The following EPB41 variants were observed in gnomAD, a reference collection of about 807,000 sequenced individuals.
The protein encoded by EPB41 is erythrocyte membrane protein band 4.1.
Under a neutral mutation model 108.0 loss-of-function variants are expected in EPB41, and 65 were observed. The ratio of observed to expected loss-of-function variants is 0.60; its 90% CI spans 0.49 to 0.74. The LOEUF (loss-of-function observed/expected upper bound fraction) is 0.74. Among genes scored for constraint, EPB41 ranks in the 30% least tolerant of loss-of-function variants. The pLI, the probability that EPB41 is intolerant of heterozygous loss-of-function variation, is 0.00. For synonymous variants in EPB41, 336 were observed against 358.9 expected (o/e 0.94, Z 0.72); for missense variants, 875 against 1,037.0 (o/e 0.84, Z 2.15).
intron 1 of EPB41, among the ~76,000 whole-genome samples, chr1:28,921,277 ATCT>A (rs2093049145): frequency 2.0e-5 from 3 of 152,306 alleles, no homozygotes; most frequent in African/African-American, 7.2e-5. Context: ...CTTTAAACCT[ATCT>A]TATAAAGAAA....
intron 12 of EPB41, among the ~76,000 whole-genome samples, chr1:29,055,356 C>T (rs144150014): frequency 1.3e-5 from 2 of 152,300 alleles, no homozygotes; most frequent in Admixed American, 1.3e-4. Flanking sequence ...TAAGATTCCT[C>T]TGGCTTTCTG....
rs1342144991 is a variant in EPB41 at position 28,887,844 on chromosome 1, T to G, written c.-8+634T>G. Among the ~76,000 whole-genome samples the G allele has an allele frequency of 6.6e-6, 1 of 152,214 alleles. No individual in the cohort carries two copies. The highest frequency in any genetic ancestry group is 2.4e-5 in the African/African-American group (1 of 41,464). ...TCTAGGGGACTTCCCTCTGTCTGGG[T>G]CTCCCGGGTCTCTCTGTCCGGTTCA... On this transcript the variant is annotated intron_variant, in intron 1 of 16. Coordinates refer to the EPB41 transcript ENST00000347529. The surrounding 1 kb of genome is among the most constrained non-coding windows in gnomAD (Gnocchi z 4.9).
At chr1:29,005,179 A>G (rs1254901290) in intron 4 of EPB41, among the ~76,000 whole-genome samples, 2 of 152,196 alleles carry the variant, frequency 1.3e-5, no homozygotes. Flanking sequence ...CAGGAAACTT[A>G]GAATCATGGC....
chr1:28,888,526 G>A (rs940438784), intron 1 of EPB41, among the ~76,000 whole-genome samples: 1 of 152,230 alleles, frequency 6.6e-6, no homozygotes, highest in Admixed American at 6.5e-5. Flanking sequence ...GCACCTACTG[G>A]GAACACTCCC....
chr1:28,913,889 T>C (rs1011254087), upstream of EPB41, among the ~76,000 whole-genome samples: 28 of 152,172 alleles, frequency 1.8e-4, no homozygotes, highest in African/African-American at 6.3e-4. Flanking sequence ...GCTAGGTCTT[T>C]ATAATGTTGA....
chr1:28,934,353 T>A (rs2148619098), intron 1 of EPB41, among the ~76,000 whole-genome samples: 1 of 152,308 alleles, frequency 6.6e-6, no homozygotes, highest in East Asian at 1.9e-4. Context: ...GCTGTAAAGA[T>A]ACTTTCCCCC....
At chr1:29,057,348 T>C (rs1400999056) in intron 12 of EPB41, among the ~76,000 whole-genome samples, 1 of 114,134 alleles carries the variant, frequency 8.8e-6, no homozygotes. Flanking sequence ...CACTCCAGCC[T>C]GGGCGACAGA....
At chr1:29,097,487 C>G in intron 16 of EPB41, 1 of 380,610 alleles carries the variant, frequency 2.6e-6, no homozygotes, top group South Asian at 2.4e-5. Context: ...TGCTATTTGG[C>G]AAATCGTTTT....
chr1:29,070,721 A>G (rs1267581107), intron 16 of EPB41: 28 of 1,219,804 alleles, frequency 2.3e-5, no homozygotes, highest in Non-Finnish European at 2.9e-5. Context: ...ATAGTTCACT[A>G]TCCTAGGGGA....
intron 12 of EPB41, among the ~76,000 whole-genome samples, chr1:29,057,020 CTGAGGGG>C (rs1002750232): frequency 6.6e-6 from 1 of 152,046 alleles, no homozygotes; most frequent in African/African-American, 2.4e-5. Flanking sequence ...AGTTTAAGCT[CTGAGGGG>C]TAAAAAAAAC....
At position 28,969,728 on chromosome 1, in the gene EPB41, T is replaced by C. The variant is rs371212725; in HGVS notation, c.-7-17703T>C. 4.3e-3 allele frequency among the ~76,000 whole-genome samples: 660 copies of C among 151,980 alleles called. 4 individuals carry two copies. The highest frequency in any genetic ancestry group is 0.015 in the African/African-American group (627 of 41,448). On this transcript the variant is annotated intron_variant, in intron 1 of 20. Transcript: ENST00000343067. Reference sequence around the variant, plus strand: ...TCCTGGCTAACACGGTGAAACTCCGTCTCTACTAAAAAAATACAAAAAATT... The same window carrying C: ...TCCTGGCTAACACGGTGAAACTCCGCCTCTACTAAAAAAATACAAAAAATT...
intron 16 of EPB41, among the ~76,000 whole-genome samples, chr1:29,078,632 C>G (rs932727275): frequency 6.6e-6 from 1 of 152,090 alleles, no homozygotes; most frequent in Non-Finnish European, 1.5e-5. Context: ...CCTGTAGTCC[C>G]AGCTACACGG....
chr1:28,904,087 G>A (rs986512550), intron 1 of EPB41, among the ~76,000 whole-genome samples: 1 of 151,204 alleles, frequency 6.6e-6, no homozygotes, highest in East Asian at 1.9e-4. Flanking sequence ...GGCTGGTCTC[G>A]AACTCCTGAC....
At chr1:28,927,308 C>A (rs1378769676) in intron 1 of EPB41, among the ~76,000 whole-genome samples, 1 of 152,044 alleles carries the variant, frequency 6.6e-6, no homozygotes, top group South Asian at 2.1e-4. Flanking sequence ...TATTGTGTTC[C>A]TCTTTTTGAT....
rs549619424 is a variant in EPB41, at chr1:28,936,699, C to T, written c.-8+21931C>T. ...CACTTAGCATGTTTCCAAGGTTCATCCATGTGGTAGCATGTATCAGTACTT... is the reference window on the plus strand; with the variant it reads ...CACTTAGCATGTTTCCAAGGTTCATTCATGTGGTAGCATGTATCAGTACTT... On this transcript the variant is annotated intron_variant, in intron 1 of 20. Coordinates refer to ENST00000343067, the MANE Select transcript of EPB41 (RefSeq NM_001376013.1). Among the ~76,000 whole-genome samples the T allele has an allele frequency of 2.2e-4, 33 of 152,322 alleles. 1 individual carries two copies. Among genetic ancestry groups the T allele is most frequent in the Admixed American group, 2.0e-3 (30 of 15,298 alleles).
At chr1:29,017,933 T>C (rs987195481) in intron 6 of EPB41, among the ~76,000 whole-genome samples, 2 of 152,214 alleles carry the variant, frequency 1.3e-5, no homozygotes, top group African/African-American at 2.4e-5. Context: ...TTTAGACTTT[T>C]CCAACCTTTC....
rs1644830239 is a variant in EPB41 at position 29,053,332 on chromosome 1, A to G, written c.1845+20A>G. 2 of 1,614,000 alleles carry G rather than the reference A, an allele frequency of 1.2e-6. No homozygotes were observed. The highest frequency in any genetic ancestry group is 2.2e-5 in the East Asian group (1 of 44,890). ...TGGAAGGTATGTCATCAGTCCAAAT[A>G]CCTAGCTAACTCACTTTCTGATTTA... On this transcript the variant is annotated intron_variant, in intron 12 of 20. Transcript: ENST00000343067.
chr1:28,990,594 A>T (rs1265573302), intron 2 of EPB41, among the ~76,000 whole-genome samples: 1 of 151,324 alleles, frequency 6.6e-6, no homozygotes, highest in Non-Finnish European at 1.5e-5. Flanking sequence ...TAATTTTTAA[A>T]TTTTTTGGTA....
chr1:29,100,596 C>T (rs904569417), intron 17 of EPB41, among the ~76,000 whole-genome samples: 3 of 146,908 alleles, frequency 2.0e-5, no homozygotes, highest in Non-Finnish European at 3.0e-5. Context: ...TCCAGACCAG[C>T]CTGGGCAACA....
Sources: allele counts gnomAD v4.1 joint callset (sites outside exome capture counted in the v4.1 genomes callset), GRCh38; gene constraint gnomAD v4.1.1; non-coding constraint Gnocchi (gnomAD v3.1); transcripts MANE v1.5; gene names NCBI Gene and HGNC (gene_info 2026-07-23, HGNC 2026-07-21).